SEMA4D: variants seen among roughly 807,000 people sequenced by gnomAD.
SEMA4D encodes the protein semaphorin-4D.
Under a neutral mutation model 74.8 loss-of-function variants are expected in SEMA4D, and 22 were observed. The ratio of observed to expected loss-of-function variants is 0.29; its 90% CI spans 0.21 to 0.42. The LOEUF (loss-of-function observed/expected upper bound fraction) is 0.42. Ranked by LOEUF, SEMA4D falls within the 10% of genes least tolerant of loss-of-function variation. SEMA4D has a pLI of 1.00. For synonymous variants in SEMA4D, 445 were observed against 463.7 expected, an observed-to-expected ratio of 0.96 and a Z score of 0.52; for missense variants, 937 against 1,118.4, an observed-to-expected ratio of 0.84 and a Z score of 2.31.
chr9:89,373,937 C>T (rs1047572275), downstream of SEMA4D, among the ~76,000 whole-genome samples: 5 of 152,206 alleles, frequency 3.3e-5, no homozygotes, highest in Admixed American at 6.5e-5. Flanking sequence ...AACCCTGGAG[C>T]CTACTCGGGA....
Position 89,437,230 on chromosome 9 carries a change from T to C in SEMA4D, c.-244+18658A>G, listed in dbSNP as rs145050980. Among the ~76,000 whole-genome samples the C allele has an allele frequency of 6.2e-3, 940 of 152,294 alleles. 12 individuals carry two copies. The highest frequency in any genetic ancestry group is 0.021 in the African/African-American group (866 of 41,556). On this transcript the variant is annotated intron_variant, in intron 2 of 15. Coordinates refer to ENST00000422704, the MANE Select transcript of SEMA4D (RefSeq NM_001371194.2). Reference sequence around the variant, plus strand: ...ATGAGTGGCCTGATCCTAGTGGGCATTGCACAGTGCAATGAAGTGTGGCTC... The same window carrying C: ...ATGAGTGGCCTGATCCTAGTGGGCACTGCACAGTGCAATGAAGTGTGGCTC...
Position 89,392,873 on chromosome 9 carries a change from C to T in SEMA4D, c.509-337G>A, listed in dbSNP as rs541217995. ...TCCCAAGCAGCTTGGACTACAGGTGCGCGCCACCATGTCTGGCTAATTTTT... is the reference window on the plus strand; with the variant it reads ...TCCCAAGCAGCTTGGACTACAGGTGTGCGCCACCATGTCTGGCTAATTTTT... On this transcript the variant is annotated intron_variant, in intron 7 of 15. Coordinates refer to ENST00000422704, the MANE Select transcript of SEMA4D (RefSeq NM_001371194.2). Among the ~76,000 whole-genome samples the T allele has an allele frequency of 5.9e-5, 9 of 152,232 alleles. No homozygotes were observed. In the South Asian group the frequency reaches 8.3e-4, roughly 14 times the overall value.
intron 16 of SEMA4D, among the ~76,000 whole-genome samples, chr9:89,370,050 A>T (rs1416458073): frequency 1.4e-5 from 2 of 143,088 alleles, no homozygotes; most frequent in Admixed American, 6.8e-5. Context: ...TGTGTGGTGC[A>T]TGTGTGAGTG....
At chr9:89,483,064 C>G (rs1379018239) in intron 1 of SEMA4D, among the ~76,000 whole-genome samples, 1 of 152,200 alleles carries the variant, frequency 6.6e-6, no homozygotes, top group African/African-American at 2.4e-5. Flanking sequence ...CGCCTTCTCA[C>G]CACCTCTCTG....
chr9:89,385,277 T>A, intron 13 of SEMA4D: 1 of 985,438 alleles, frequency 1.0e-6, no homozygotes. Flanking sequence ...TTCTCACGAA[T>A]GTCCACACCA....
chr9:89,402,823 C>T, intron 4 of SEMA4D, 48 bp downstream of exon 4: 1 of 1,583,902 alleles, frequency 6.3e-7, no homozygotes, highest in Non-Finnish European at 8.6e-7. Flanking sequence ...GGAGAGGCTG[C>T]CCACTCAAGC....
intron 2 of SEMA4D, among the ~76,000 whole-genome samples, chr9:89,424,528 TC>T (rs1174650803): frequency 6.6e-6 from 1 of 152,160 alleles, no homozygotes; most frequent in Non-Finnish European, 1.5e-5. Context: ...CCGTCCCGAC[TC>T]CAAATTCCTT....
At chr9:89,363,465 G>A in exon 18 of SEMA4D, 1 of 1,613,874 alleles carries the variant, frequency 6.2e-7, no homozygotes, top group Non-Finnish European at 8.5e-7. Flanking sequence ...ATCCGGTCGT[G>A]CTCCCCAGCC....
intron 1 of SEMA4D, among the ~76,000 whole-genome samples, chr9:89,477,600 G>A (rs140170445): frequency 1.3e-3 from 196 of 152,276 alleles, no homozygotes; most frequent in Non-Finnish European, 2.0e-3. Flanking sequence ...CCTCTGCGTG[G>A]CATGACCGCG....
In SEMA4D at chr9:89,379,526, G is replaced by A; in HGVS notation, c.1767C>T (p.Phe589=). 1.9e-6 allele frequency: 3 copies of A among 1,614,100 alleles called. No individual in the cohort carries two copies. The highest frequency in any genetic ancestry group is 2.5e-6 in the Non-Finnish European group (3 of 1,180,034). The change falls in exon 16 of 16, where the codon TTC becomes TTT. Residue 589 remains phenylalanine, a synonymous_variant. Transcript: ENST00000422704. ...TCTCGGCCTTCAACACGCCATTCTG[G>A]AACTTCCAAAAGACCCGGGCCAGGT... ...KSNLARVFWK[F]QNGVLKAESP...
chr9:89,372,291 GT>G (rs1835171002), downstream of SEMA4D, among the ~76,000 whole-genome samples: 1 of 121,216 alleles, frequency 8.2e-6, no homozygotes, highest in Non-Finnish European at 1.7e-5. Flanking sequence ...TCGGGGGTGT[GT>G]ATGGGGTGTG....
intron 2 of SEMA4D, among the ~76,000 whole-genome samples, chr9:89,422,570 G>A (rs1405778359): frequency 6.6e-6 from 1 of 152,256 alleles, no homozygotes; most frequent in African/African-American, 2.4e-5. Flanking sequence ...CGAGCACCAT[G>A]CGTGCGCATC....
intron 16 of SEMA4D, chr9:89,364,084 C>T (rs1833193931): frequency 1.3e-6 from 2 of 1,558,702 alleles, no homozygotes; most frequent in Non-Finnish European, 1.7e-6. Flanking sequence ...CCAATTCAGT[C>T]CCTGGGACTG....
intron 13 of SEMA4D, chr9:89,384,713 G>A (rs760563365): frequency 9.1e-6 from 9 of 985,442 alleles, no homozygotes; most frequent in Non-Finnish European, 1.1e-5. Context: ...TGAGGGTGGA[G>A]GCACAGCGCA....
chr9:89,372,959 G>A (rs190937392), downstream of SEMA4D, among the ~76,000 whole-genome samples: 149 of 152,230 alleles, frequency 9.8e-4, 1 homozygote, highest in African/African-American at 3.0e-3. Context: ...CTAGAGGCGA[G>A]AACTGTGGTG....
rs975361789 is a variant in SEMA4D, at chr9:89,378,384, C to T, written c.*320G>A. 1.1e-4 allele frequency: 31 copies of T among 274,902 alleles called. No homozygotes were observed. Among genetic ancestry groups the T allele is most frequent in the African/African-American group, 6.3e-4 (29 of 46,026 alleles). The allele number at this position is 274,902 out of a possible 1,614,324, so 17.0% of individuals were successfully genotyped here. On this transcript the variant is annotated 3_prime_UTR_variant, in exon 16 of 16. Transcript: ENST00000422704. ...CTGAAGGGATGCTCTTCTCAGCCAA[C>T]AGAGGTCCAGCCACCTTTCCCCCAC... is the stretch of plus-strand genomic sequence containing the variant.
At chr9:89,469,157 C>T (rs1414672507) in intron 1 of SEMA4D, among the ~76,000 whole-genome samples, 3 of 144,828 alleles carry the variant, frequency 2.1e-5, no homozygotes, top group Non-Finnish European at 3.1e-5. Context: ...CAAACAACTC[C>T]GTGCACAAAG....
chr9:89,466,291 T>C (rs776414883), intron 1 of SEMA4D, among the ~76,000 whole-genome samples: 2 of 152,192 alleles, frequency 1.3e-5, no homozygotes, highest in African/African-American at 2.4e-5. Context: ...TCCCACGTAG[T>C]GATGCAGACT....
At chr9:89,464,098 G>C (rs1016809561) in intron 1 of SEMA4D, among the ~76,000 whole-genome samples, 34 of 152,150 alleles carry the variant, frequency 2.2e-4, no homozygotes, top group Admixed American at 5.2e-4. Flanking sequence ...AGTCAAAAAT[G>C]GAGAGTGTGA....
Sources: gnomAD v4.1 joint callset for allele counts (sites outside exome capture counted in the v4.1 genomes callset) on GRCh38, gnomAD v4.1.1 for gene constraint, MANE v1.5 for transcripts, NCBI Gene and HGNC (gene_info 2026-07-23, HGNC 2026-07-21) for gene names.